The following CCDC69 variants were observed in gnomAD, a reference collection of about 807,000 sequenced individuals.
CCDC69 encodes the protein coiled-coil domain containing 69.
A neutral mutation model predicts 40.3 loss-of-function variants in CCDC69; 38 were observed. The observed-to-expected ratio is 0.94, with a 90% CI of 0.73 to 1.24. CCDC69 has a LOEUF of 1.24. CCDC69 is among the 50% of genes most tolerant of loss of function. CCDC69 has a pLI of 0.00. For missense variants in CCDC69, 389 were observed against 357.9 expected (o/e 1.09, Z -0.70); for synonymous variants, 141 against 138.9 (o/e 1.02, Z -0.11).
At chr5:151,210,416 C>T (rs1276779496) in intron 1 of CCDC69, among the ~76,000 whole-genome samples, 7 of 151,968 alleles carry the variant, frequency 4.6e-5, no homozygotes, top group East Asian at 1.9e-4. Context: ...TAGTGGCATG[C>T]GCCTCTAACC....
chr5:151,196,904 A>G (rs748382270), intron 4 of CCDC69, among the ~76,000 whole-genome samples: 9 of 152,246 alleles, frequency 5.9e-5, no homozygotes, highest in Non-Finnish European at 1.2e-4. Flanking sequence ...CAGCTGTTCA[A>G]GTAGGTGCCT....
At chr5:151,198,894 C>G in intron 4 of CCDC69, 103 bp downstream of exon 4, 1 of 841,744 alleles carries the variant, frequency 1.2e-6, no homozygotes, top group East Asian at 2.4e-5. Flanking sequence ...GTGGATCAGA[C>G]AGACAGGGAG....
intron 1 of CCDC69, among the ~76,000 whole-genome samples, chr5:151,206,299 C>T (rs1413640057): frequency 6.6e-6 from 1 of 152,172 alleles, no homozygotes; most frequent in African/African-American, 2.4e-5. Flanking sequence ...CATCCAGGAA[C>T]CTCCATGTGT....
At chr5:151,193,005 T>G (rs1752641907) in intron 4 of CCDC69, among the ~76,000 whole-genome samples, 1 of 152,132 alleles carries the variant, frequency 6.6e-6, no homozygotes, top group East Asian at 1.9e-4. Flanking sequence ...TACTTTTACA[T>G]TGTATTAGGT....
chr5:151,220,665 G>C (rs1308621674), intron 1 of CCDC69, among the ~76,000 whole-genome samples: 2 of 152,166 alleles, frequency 1.3e-5, no homozygotes, highest in Non-Finnish European at 2.9e-5. Flanking sequence ...CCTTCTCAGA[G>C]GTCCTGCTTG....
chr5:151,221,294 C>T (rs1478118216), intron 1 of CCDC69, among the ~76,000 whole-genome samples: 1 of 152,198 alleles, frequency 6.6e-6, no homozygotes, highest in African/African-American at 2.4e-5. Flanking sequence ...TCCTTGCTGC[C>T]TGCCACCTCC....
intron 4 of CCDC69, 125 bp from the exon 5 acceptor site, chr5:151,187,584 G>A (rs454130): frequency 0.65 from 456,626 of 706,964 alleles, 149,859 homozygotes; most frequent in Admixed American, 0.77. Context: ...GTCTAGGAAC[G>A]GTCTTATTCA....
At chr5:151,220,594 G>C (rs1047782672) in intron 1 of CCDC69, among the ~76,000 whole-genome samples, 7 of 152,164 alleles carry the variant, frequency 4.6e-5, no homozygotes, top group Non-Finnish European at 2.9e-5. Context: ...AAGGGCTGCT[G>C]AATGACTGAC....
intron 2 of CCDC69, among the ~76,000 whole-genome samples, chr5:151,201,992 C>A (rs923094780): frequency 6.6e-6 from 1 of 152,104 alleles, no homozygotes; most frequent in Non-Finnish European, 1.5e-5. Context: ...ACTTGGAGAT[C>A]CTCTTTCAAG....
intron 4 of CCDC69, among the ~76,000 whole-genome samples, chr5:151,190,405 C>T (rs1441573541): frequency 6.6e-6 from 1 of 152,098 alleles, no homozygotes; most frequent in Non-Finnish European, 1.5e-5. Context: ...GTGGCTCACA[C>T]TTGTAATCCC....
intron 2 of CCDC69, among the ~76,000 whole-genome samples, chr5:151,205,160 C>A (rs1310714368): frequency 6.6e-6 from 1 of 151,962 alleles, no homozygotes. Flanking sequence ...TTTCTGGATT[C>A]CTCTAAAAAT....
At chr5:151,215,399 GA>G (rs1423230347) in intron 1 of CCDC69, among the ~76,000 whole-genome samples, 1 of 152,230 alleles carries the variant, frequency 6.6e-6, no homozygotes, top group African/African-American at 2.4e-5. Flanking sequence ...GGATACGTAA[GA>G]GCCCTTCTGG....
At chr5:151,216,405 G>GGTTTTT (rs1561605577) in intron 1 of CCDC69, among the ~76,000 whole-genome samples, 1 of 146,854 alleles carries the variant, frequency 6.8e-6, no homozygotes, top group African/African-American at 2.6e-5. Context: ...AAATTATTAG[G>GGTTTTT]ATTTTTTTTT....
At position 151,192,087 on chromosome 5, in the gene CCDC69, G is replaced by GAA. The variant is rs34310340; in HGVS notation, c.320-4630_320-4629dup. On this transcript the variant is annotated intron_variant, in intron 4 of 8. Transcript: ENST00000355417. ...GAGACAGAGCAAAACCCTGTCTCAGGAAAAAAAAAAAAAAAAAAAGAATGA... is the reference window on the plus strand; with the variant it reads ...GAGACAGAGCAAAACCCTGTCTCAGGAAAAAAAAAAAAAAAAAAAAAGAATGA... Among the ~76,000 whole-genome samples, 252 of 38,796 alleles carry GAA rather than the reference G, an allele frequency of 6.5e-3. 4 individuals carry two copies. Among genetic ancestry groups the GAA allele is most frequent in the African/African-American group, 0.025 (208 of 8,218 alleles). 25.5% of individuals were successfully genotyped at this position (38,796 alleles called of 152,430 possible).
At position 151,184,344 on chromosome 5, in the gene CCDC69, C is replaced by G; in HGVS notation, c.713G>C (p.Arg238Thr). Residue 238 changes from arginine (R) to threonine (T), a missense_variant and splice_region_variant, in exon 8 of 9, where the codon AGG becomes ACG. Physicochemically the swap from Arg to Thr is moderately conservative, Grantham distance 71. Transcript: ENST00000355417. ...GTAAAGGAGGCAGGAAGACAGCTACCTTGACAGGACCACCTGGTTGCGGCT... is the reference window on the plus strand; with the variant it reads ...GTAAAGGAGGCAGGAAGACAGCTACGTTGACAGGACCACCTGGTTGCGGCT... Reference protein sequence around the residue: ...VRSRNQVVLSRQLSEDLLLTR... With the variant: ...VRSRNQVVLSTQLSEDLLLTR... The G allele has an allele frequency of 6.2e-7, 1 of 1,613,056 alleles. No homozygotes were observed. The highest frequency in any genetic ancestry group is 1.1e-5 in the South Asian group (1 of 91,064).
At chr5:151,221,718 G>A (rs557702775) in intron 1 of CCDC69, among the ~76,000 whole-genome samples, 7 of 152,358 alleles carry the variant, frequency 4.6e-5, no homozygotes, top group South Asian at 2.1e-4. Flanking sequence ...TGTGAGACTG[G>A]GCGGGATGTG....
At chr5:151,190,299 TG>T (rs1291848920) in intron 4 of CCDC69, among the ~76,000 whole-genome samples, 7 of 152,122 alleles carry the variant, frequency 4.6e-5, no homozygotes, top group African/African-American at 1.7e-4. Context: ...ATGAGATAAA[TG>T]TAACAAAAAT....
chr5:151,208,597 G>C (rs932900231), intron 1 of CCDC69, among the ~76,000 whole-genome samples: 3 of 152,250 alleles, frequency 2.0e-5, no homozygotes, highest in Non-Finnish European at 4.4e-5. Context: ...TTCCAGGGAA[G>C]AGGAGGAAGC....
Position 151,185,975 on chromosome 5 carries a change from C to T in CCDC69, c.495+48G>A, listed in dbSNP as rs778730083. The stretch of plus-strand genomic sequence containing the variant: ...GTCTTTCCTGTTGCCCGGCCCTGAC[C>T]TCCCTGGAGATTCAAGGAGGAAAAG... On this transcript the variant is annotated intron_variant, in intron 6 of 8. Transcript: ENST00000355417. The T allele has an allele frequency of 2.2e-6, 3 of 1,340,076 alleles. No homozygotes were observed. The African/African-American group carries it at 4.3e-5, about 19-fold the overall frequency. The allele number at this position is 1,340,076 out of a possible 1,614,324, so 83.0% of individuals were successfully genotyped here.
Sources: allele counts gnomAD v4.1 joint callset (sites outside exome capture counted in the v4.1 genomes callset), GRCh38; gene constraint gnomAD v4.1.1; transcripts MANE v1.5; gene names NCBI Gene and HGNC (gene_info 2026-07-23, HGNC 2026-07-21).